Variants in MUC5B observed in about 807,000 individuals in gnomAD.
The protein encoded by MUC5B is mucin 5B, oligomeric mucus/gel-forming, also known as mucin-5B.
A neutral mutation model predicts 376.9 loss-of-function variants in MUC5B; 116 were observed. The observed-to-expected ratio is 0.31, with a 90% CI of 0.26 to 0.36. The LOEUF is 0.36. Ranked by LOEUF, MUC5B falls within the 10% of genes least tolerant of loss-of-function variation. The pLI is 1.00. For missense variants in MUC5B, 7,165 were observed against 7,769.9 expected (o/e 0.92, Z 2.93); for synonymous variants, 3,517 against 3,390.9 (o/e 1.04, Z -1.29).
In MUC5B at chr11:1,247,239, C is replaced by A; in HGVS notation, c.10359C>A (p.Thr3453=). The A allele has an allele frequency of 3.7e-6, 6 of 1,612,486 alleles. No individual in the cohort carries two copies. Among genetic ancestry groups the A allele is most frequent in the South Asian group, 2.2e-5 (2 of 90,974 alleles). The change falls in exon 31 of 49, where the codon ACC becomes ACA. Residue 3453 remains threonine (T), a synonymous_variant. Transcript: ENST00000529681. ...HTPPVPNTTA[T]THGRSLPPSS... is the part of the protein sequence containing the mutation. Reference sequence around the variant, plus strand: ...CCCCAGTGCCGAACACCACGGCCACCACACACGGGCGGTCCCTGCCCCCCA... The same window carrying A: ...CCCCAGTGCCGAACACCACGGCCACAACACACGGGCGGTCCCTGCCCCCCA...
chr11:1,240,943 G>A lies in MUC5B; in HGVS notation c.4063G>A (p.Gly1355Ser). The stretch of plus-strand genomic sequence containing the variant: ...GCACCGCCCAGAGCCCGGCCTGGGA[G>A]GCGGAGACTTTGAGACGTTTGAAAA... The part of the protein sequence containing the change: ...NGHRPEPGLG[G>S]GDFETFENLR... Residue 1355 changes from glycine to serine, a missense_variant, in exon 31 of 49, where the codon GGC becomes AGC. Gly to Ser is a moderately conservative substitution (Grantham distance 56). This residue lies in a region of MUC5B where 517 missense variants were observed against 545.3 expected (regional missense o/e 0.95). Transcript: ENST00000529681. The A allele has an allele frequency of 1.9e-6, 3 of 1,613,290 alleles. No homozygotes were observed. The highest frequency in any genetic ancestry group is 2.2e-5 in the East Asian group (1 of 44,872).
intron 7 of MUC5B, among the ~76,000 whole-genome samples, chr11:1,228,251 G>A (rs1393286608): frequency 3.9e-5 from 6 of 152,222 alleles, no homozygotes; most frequent in African/African-American, 7.2e-5. Flanking sequence ...TGAACCTGCC[G>A]GGCTGCCCAG....
chr11:1,261,724 G>A lies in MUC5B; in HGVS notation c.*116G>A, dbSNP rs556578020. 5.5e-4 allele frequency: 577 copies of A among 1,052,380 alleles called. 9 individuals carry two copies. In the South Asian group the frequency reaches 6.0e-3, roughly 11 times the overall value. 65.2% of individuals were successfully genotyped at this position (1,052,380 alleles called of 1,614,324 possible). The stretch of plus-strand genomic sequence containing the variant: ...CCCCCCGGCCTGTGTGTGGCACCCC[G>A]CGCTCCGTGCTCCTGCTGCCCACCC... On this transcript the variant is annotated 3_prime_UTR_variant, in exon 49 of 49. Transcript: ENST00000529681.
At chr11:1,255,320 T>A in intron 36 of MUC5B, 54 bp downstream of exon 36, 1 of 1,514,372 alleles carries the variant, frequency 6.6e-7, no homozygotes, top group Non-Finnish European at 8.9e-7. Context: ...CCCGCCCGCA[T>A]GCACGCACGC....
rs374789248 is a variant in MUC5B at position 1,227,373 on chromosome 11, G to A, written c.642G>A (p.Pro214=). The change falls in exon 6 of 49, where the codon CCG becomes CCA. Residue 214 remains proline (P), a synonymous_variant. Transcript: ENST00000529681. ...TGTGTGGGGACTTCAACGGCCTCCC[G>A]GCCTTCAACGAGTTCTATGCCCACA... The part of the protein sequence containing the change: ...CGLCGDFNGL[P]AFNEFYAHNA... 44 of 1,611,946 alleles carry A rather than the reference G, an allele frequency of 2.7e-5. No homozygotes were observed. Among genetic ancestry groups the A allele is most frequent in the Non-Finnish European group, 3.4e-5 (40 of 1,179,414 alleles).
At position 1,250,228 on chromosome 11, in the gene MUC5B, C is replaced by A. The variant is rs775918357; in HGVS notation, c.13348C>A (p.Leu4450Ile). The part of the protein sequence containing the change: ...PSSTPGTTWI[L>I]TEPSTTATVT... ...CTCCACCCCAGGGACCACCTGGATC[C>A]TCACAGAGCCGAGCACTACAGCCAC... Residue 4450 changes from leucine to isoleucine, a missense_variant, in exon 31 of 49, where the codon CTC becomes ATC. Leu to Ile is a conservative substitution (Grantham distance 5). Around this residue, in one of 31 missense-constraint regions of MUC5B, gnomAD observed 431 missense variants for 390.4 expected, o/e 1.10. Coordinates refer to ENST00000529681, the MANE Select transcript of MUC5B (RefSeq NM_002458.3). 6.2e-7 allele frequency: 1 copy of A among 1,608,948 alleles called. No individual in the cohort carries two copies. The highest frequency in any genetic ancestry group is 8.5e-7 in the Non-Finnish European group (1 of 1,176,700).
chr11:1,225,001 C>G (rs776646353), intron 1 of MUC5B, among the ~76,000 whole-genome samples: 9 of 152,220 alleles, frequency 5.9e-5, no homozygotes, highest in Non-Finnish European at 1.2e-4. Flanking sequence ...TGGGTTGGAG[C>G]TGCCTCCTCC....
rs776761177 is a variant in MUC5B at position 1,246,394 on chromosome 11, A to G, written c.9514A>G (p.Thr3172Ala). Reference protein sequence around the residue: ...WILTEPSTTATVTVPTGSTAT... With the variant: ...WILTEPSTTAAVTVPTGSTAT... The stretch of plus-strand genomic sequence containing the variant: ...CCTCACAGAGCCCAGCACTACAGCC[A>G]CCGTGACGGTGCCCACCGGATCCAC... The change falls in exon 31 of 49, where the codon ACC (threonine) becomes GCC (alanine). Residue 3172 changes from threonine to alanine, a missense_variant. Thr to Ala is a moderately conservative substitution (Grantham distance 58, BLOSUM62 0). Coordinates refer to ENST00000529681, the MANE Select transcript of MUC5B (RefSeq NM_002458.3). 66 of 1,613,148 alleles carry G rather than the reference A, an allele frequency of 4.1e-5. 1 individual carries two copies. The highest frequency in any genetic ancestry group is 4.9e-5 in the Non-Finnish European group (58 of 1,179,722).
At chr11:1,256,288 G>T (rs1862833007) in intron 38 of MUC5B, 63 bp downstream of exon 38, 1 of 708,594 alleles carries the variant, frequency 1.4e-6, no homozygotes, top group Non-Finnish European at 2.6e-6. Context: ...GTCTGGGGGA[G>T]CAGGAGGAGG....
At position 1,247,122 on chromosome 11, in the gene MUC5B, C is replaced by T. The variant is rs561579584; in HGVS notation, c.10242C>T (p.Pro3414=). The T allele has an allele frequency of 3.4e-5, 54 of 1,568,482 alleles. 1 individual carries two copies. The South Asian group carries it at 4.0e-4, about 12-fold the overall frequency. ...TNPSSTPGTT[P]IPPVLTTTAT... ...CCTCCTCAACTCCAGGGACAACTCC[C>T]ATCCCCCCAGTGCTGACCACCACCG... The change falls in exon 31 of 49, where the codon CCC becomes CCT. Residue 3414 remains proline, a synonymous_variant. Coordinates refer to ENST00000529681, the MANE Select transcript of MUC5B (RefSeq NM_002458.3).
At chr11:1,256,123 C>T (rs909585870) in intron 37 of MUC5B, 33 bp from the exon 38 acceptor site, 1 of 717,876 alleles carries the variant, frequency 1.4e-6, no homozygotes, top group Non-Finnish European at 2.6e-6. Flanking sequence ...CCCCCAACCC[C>T]TTGGCTTGTC....
chr11:1,238,058 G>C (rs985634356), intron 25 of MUC5B, among the ~76,000 whole-genome samples: 4 of 152,230 alleles, frequency 2.6e-5, no homozygotes, highest in Non-Finnish European at 5.9e-5. Context: ...GCCCTCTTGA[G>C]AAGGCAGCTG....
intron 47 of MUC5B, 34 bp downstream of exon 47, chr11:1,260,427 C>A: frequency 6.2e-7 from 1 of 1,610,830 alleles, no homozygotes. Flanking sequence ...ACCAGCCCTC[C>A]AGCTCCAGCC....
At chr11:1,255,313 G>C in intron 36 of MUC5B, 47 bp downstream of exon 36, 1 of 1,465,824 alleles carries the variant, frequency 6.8e-7, no homozygotes, top group Non-Finnish European at 9.1e-7. Flanking sequence ...GCCCCCGCCC[G>C]CCCGCATGCA....
intron 48 of MUC5B, among the ~76,000 whole-genome samples, 198 bp from the exon 49 acceptor site, chr11:1,261,191 G>A (rs983115774): frequency 1.7e-3 from 254 of 152,318 alleles, no homozygotes; most frequent in African/African-American, 5.8e-3. Context: ...AGACAGAGCC[G>A]GGAGCCAAGG....
chr11:1,239,496 C>A lies in MUC5B; in HGVS notation c.3513C>A (p.Cys1171Ter). 6.2e-7 allele frequency: 1 copy of A among 1,606,136 alleles called. No individual in the cohort carries two copies. Residue 1171 changes from cysteine to a stop codon, truncating the protein, a stop_gained, in exon 27 of 49, where the codon TGC becomes TGA. Coordinates refer to ENST00000529681, the MANE Select transcript of MUC5B (RefSeq NM_002458.3). LOFTEE classifies it high-confidence loss of function. ...HGGCEWHYQP[C>*]GAPCLKTCRN... ...GCTGTGAGTGGCACTACCAGCCCTG[C>A]GGGGCACCCTGCCTAAAAACCTGCC...
At position 1,247,044 on chromosome 11, in the gene MUC5B, A is replaced by G. The variant is rs1862498594; in HGVS notation, c.10164A>G (p.Pro3388=). 6.4e-7 allele frequency: 1 copy of G among 1,553,796 alleles called. No individual in the cohort carries two copies. The highest frequency in any genetic ancestry group is 8.7e-7 in the Non-Finnish European group (1 of 1,148,660). ...SSSTQTSGTP[P]SLTTTATTIT... ...GCACACAGACCAGTGGTACTCCCCC[A>G]TCACTGACCACCACGGCCACTACGA... Residue 3388 remains proline (P), a synonymous_variant, in exon 31 of 49, where the codon CCA becomes CCG. Coordinates refer to ENST00000529681, the MANE Select transcript of MUC5B (RefSeq NM_002458.3).
In MUC5B at chr11:1,241,588, G is replaced by T. The variant is rs200722081; in HGVS notation, c.4708G>T (p.Val1570Phe). The change falls in exon 31 of 49, where the codon GTC becomes TTC. Residue 1570 changes from valine to phenylalanine, a missense_variant. This residue lies in a region of MUC5B where 25 missense variants were observed against 46.5 expected (regional missense o/e 0.54). Coordinates refer to ENST00000529681, the MANE Select transcript of MUC5B (RefSeq NM_002458.3). ...AQVGQKVHCD[V>F]HFGLVCRNWE... ...GGTGGGGCAGAAGGTGCACTGTGAC[G>T]TCCACTTCGGCCTGGTGTGCAGGAA... The T allele has an allele frequency of 6.2e-7, 1 of 1,612,058 alleles. No homozygotes were observed. Among genetic ancestry groups the T allele is most frequent in the East Asian group, 2.2e-5 (1 of 44,836 alleles).
In MUC5B at chr11:1,244,722, G is replaced by T. The variant is rs764191603; in HGVS notation, c.7842G>T (p.Thr2614=). ...HTTKVLTTTT[T]GFTATPSSSP... is the part of the protein sequence containing the mutation. ...CCAAAGTGCTGACTACCACAACCAC[G>T]GGCTTCACAGCCACCCCCTCCTCCA... Residue 2614 remains threonine, a synonymous_variant, in exon 31 of 49, where the codon ACG becomes ACT. Transcript: ENST00000529681. 6.2e-7 allele frequency: 1 copy of T among 1,607,134 alleles called. No homozygotes were observed. Among genetic ancestry groups the T allele is most frequent in the Non-Finnish European group, 8.5e-7 (1 of 1,176,526 alleles).
Sources: allele counts gnomAD v4.1 joint callset (sites outside exome capture counted in the v4.1 genomes callset), GRCh38; gene constraint gnomAD v4.1.1; regional missense constraint gnomAD v4.1.1; transcripts MANE v1.5; gene names NCBI Gene and HGNC (gene_info 2026-07-23, HGNC 2026-07-21).